The following DOK6 variants were observed in gnomAD, a reference collection of about 807,000 sequenced individuals.
DOK6 encodes the protein docking protein 6.
Under a neutral mutation model 44.0 loss-of-function variants are expected in DOK6, and 22 were observed. That is an observed-to-expected ratio of 0.50 (90% CI 0.36 to 0.71). The LOEUF is 0.71. DOK6 is among the 30% of genes least tolerant of loss of function. DOK6 has a pLI of 0.00. For missense variants in DOK6, 340 were observed against 416.4 expected, an observed-to-expected ratio of 0.82 and a Z score of 1.60; for synonymous variants, 166 against 145.5, an observed-to-expected ratio of 1.14 and a Z score of -1.01.
intron 4 of DOK6, among the ~76,000 whole-genome samples, chr18:69,678,635 A>G (rs1985977909): frequency 6.6e-6 from 1 of 152,198 alleles, no homozygotes; most frequent in South Asian, 2.1e-4. Context: ...CTAGTTTAAC[A>G]AGCATTTCTA....
chr18:69,586,818 A>G lies in DOK6; in HGVS notation c.175-12566A>G, dbSNP rs1044009944. Among the ~76,000 whole-genome samples the G allele has an allele frequency of 1.9e-4, 29 of 152,284 alleles. No homozygotes were observed. The East Asian group carries it at 5.6e-3, about 29-fold the overall frequency. On this transcript the variant is annotated intron_variant, in intron 2 of 7. Transcript: ENST00000382713. ...TCGTTGACAAGGAGCTCTTGCCCGAATGGAACTTCACCTCCCACAGGCTGC... is the reference window on the plus strand; with the variant it reads ...TCGTTGACAAGGAGCTCTTGCCCGAGTGGAACTTCACCTCCCACAGGCTGC...
chr18:69,598,676 T>C (rs1983803020), intron 2 of DOK6, among the ~76,000 whole-genome samples: 1 of 152,138 alleles, frequency 6.6e-6, no homozygotes, highest in Non-Finnish European at 1.5e-5. Context: ...TTGTTTCTGT[T>C]GACTGCGGGG....
chr18:69,441,735 A>G (rs2122442594), intron 1 of DOK6, among the ~76,000 whole-genome samples: 1 of 152,304 alleles, frequency 6.6e-6, no homozygotes, highest in African/African-American at 2.4e-5. Flanking sequence ...GATGCACAGA[A>G]TAACTGTTGA....
At chr18:69,436,812 C>T (rs2122434707) in intron 1 of DOK6, among the ~76,000 whole-genome samples, 1 of 152,344 alleles carries the variant, frequency 6.6e-6, no homozygotes, top group South Asian at 2.1e-4. Flanking sequence ...CACATCCTCT[C>T]CAGCATCTGT....
rs1235816427 is a variant in DOK6 at position 69,517,772 on chromosome 18, T to C, written c.67-46715T>C. ...TCCCATAACCTTTTCTTAGAGATAC[T>C]GTGTTCCAAGCAGCAAATGACGTGG... is the stretch of plus-strand genomic sequence containing the variant. On this transcript the variant is annotated intron_variant, in intron 1 of 7. Transcript: ENST00000382713. 2.0e-5 allele frequency among the ~76,000 whole-genome samples: 3 copies of C among 151,856 alleles called. No homozygotes were observed. The East Asian group carries it at 5.8e-4, about 30-fold the overall frequency.
At chr18:69,806,353 T>C (rs536532739) in intron 7 of DOK6, among the ~76,000 whole-genome samples, 1 of 152,150 alleles carries the variant, frequency 6.6e-6, no homozygotes, top group East Asian at 1.9e-4. Flanking sequence ...ATTTGTGCTG[T>C]ATGTTAAATT....
At chr18:69,786,754 T>C (rs17203477) in intron 7 of DOK6, among the ~76,000 whole-genome samples, 7,770 of 152,314 alleles carry the variant, frequency 0.051, 254 homozygotes, top group Middle Eastern at 0.088. Context: ...TGCACAATAA[T>C]TAAATACAGT....
At chr18:69,774,141 T>TAGATATATATATGAG in intron 7 of DOK6, among the ~76,000 whole-genome samples, 2 of 121,212 alleles carry the variant, frequency 1.7e-5, no homozygotes, top group African/African-American at 3.6e-5. Context: ...GAGATATATA[T>TAGATATATATATGAG]ATATATATAT....
rs74175393 is a variant in DOK6, at chr18:69,828,884, G to GTATATATATATATATATA, written c.857-12344_857-12343insTATATATATATATATATA. Among the ~76,000 whole-genome samples the GTATATATATATATATATA allele has an allele frequency of 3.5e-3, 319 of 90,194 alleles. 19 individuals carry two copies. Among genetic ancestry groups the GTATATATATATATATATA allele is most frequent in the African/African-American group, 8.0e-3 (257 of 32,112 alleles). The allele number at this position is 90,194 out of a possible 152,430, so 59.2% of individuals were successfully genotyped here. On this transcript the variant is annotated intron_variant, in intron 7 of 7. Transcript: ENST00000382713. ...ATTATTAATAGCAATACATTTATGT[G>GTATATATATATATATATA]TATATATATATATATAGTATGTATG...
At chr18:69,592,791 A>T (rs1983651677) in intron 2 of DOK6, among the ~76,000 whole-genome samples, 1 of 152,188 alleles carries the variant, frequency 6.6e-6, no homozygotes, top group Non-Finnish European at 1.5e-5. Flanking sequence ...ATTTTTAATG[A>T]TGCAATAATT....
intron 1 of DOK6, among the ~76,000 whole-genome samples, chr18:69,410,246 C>T (rs1978300380): frequency 1.3e-5 from 2 of 152,202 alleles, no homozygotes; most frequent in South Asian, 2.1e-4. Flanking sequence ...CTGTCAACCA[C>T]GACTGCATAT....
chr18:69,747,477 T>G (rs1235732734), intron 6 of DOK6, among the ~76,000 whole-genome samples: 1 of 152,194 alleles, frequency 6.6e-6, no homozygotes, highest in Non-Finnish European at 1.5e-5. Flanking sequence ...TGCCAATACC[T>G]TCATAAAATT....
intron 6 of DOK6, among the ~76,000 whole-genome samples, chr18:69,756,728 A>C (rs919681445): frequency 6.6e-6 from 1 of 152,178 alleles, no homozygotes; most frequent in African/African-American, 2.4e-5. Context: ...AGCATCGAGG[A>C]CCAGGCACGG....
Position 69,421,371 on chromosome 18 carries a change from G to T in DOK6, c.66+20061G>T, listed in dbSNP as rs1978487543. Among the ~76,000 whole-genome samples, 6 of 152,294 alleles carry T rather than the reference G, an allele frequency of 3.9e-5. No homozygotes were observed. The South Asian group carries it at 1.2e-3, about 32-fold the overall frequency. Reference sequence around the variant, plus strand: ...GTACCAAGTTCTGAATATCACCAGAGTGTAATGCAGACAAAGAACTTTGGA... The same window carrying T: ...GTACCAAGTTCTGAATATCACCAGATTGTAATGCAGACAAAGAACTTTGGA... On this transcript the variant is annotated intron_variant, in intron 1 of 7. Coordinates refer to ENST00000382713, the MANE Select transcript of DOK6 (RefSeq NM_152721.6).
chr18:69,562,372 G>GT (rs1345695740), intron 1 of DOK6, among the ~76,000 whole-genome samples: 2 of 152,064 alleles, frequency 1.3e-5, no homozygotes, highest in African/African-American at 2.4e-5. Flanking sequence ...TGAGGGCTCT[G>GT]TTCTGTTCCA....
intron 1 of DOK6, chr18:69,469,807 C>T (rs1367633546): frequency 8.7e-6 from 2 of 230,580 alleles, no homozygotes; most frequent in Non-Finnish European, 1.8e-5. Flanking sequence ...GGCAGAGGCG[C>T]CCCCACTGTC....
chr18:69,665,795 A>C (rs1599251584), intron 3 of DOK6, among the ~76,000 whole-genome samples: 2 of 149,750 alleles, frequency 1.3e-5, no homozygotes, highest in South Asian at 4.2e-4. Context: ...TTACACCCAC[A>C]GTTTTGATTT....
At chr18:69,566,199 G>A (rs892129369) in intron 2 of DOK6, among the ~76,000 whole-genome samples, 3 of 151,832 alleles carry the variant, frequency 2.0e-5, no homozygotes, top group Non-Finnish European at 4.4e-5. Flanking sequence ...ATGCAGTGGC[G>A]CGATCTCGGC....
At chr18:69,649,840 T>C (rs1985176823) in intron 3 of DOK6, among the ~76,000 whole-genome samples, 1 of 152,194 alleles carries the variant, frequency 6.6e-6, no homozygotes, top group Non-Finnish European at 1.5e-5. Flanking sequence ...TTATGAAATA[T>C]AAGATTGCAT....
Sources: gnomAD v4.1 joint callset for allele counts (sites outside exome capture counted in the v4.1 genomes callset) on GRCh38, gnomAD v4.1.1 for gene constraint, MANE v1.5 for transcripts, NCBI Gene and HGNC (gene_info 2026-07-23, HGNC 2026-07-21) for gene names.